The following ATRNL1 variants were observed in gnomAD, a reference collection of about 807,000 sequenced individuals.
ATRNL1 encodes the protein attractin-like protein 1.
ATRNL1 carries 95 observed loss-of-function variants against 182.7 expected under a neutral mutation model. That is an observed-to-expected ratio of 0.52 (90% CI 0.44 to 0.62). The LOEUF (loss-of-function observed/expected upper bound fraction) is 0.62, where lower values mean the gene tolerates loss of function less well. Ranked by LOEUF, ATRNL1 falls within the 20% of genes least tolerant of loss-of-function variation. The pLI is 0.00. For missense variants in ATRNL1, 1,471 were observed against 1,679.5 expected, an observed-to-expected ratio of 0.88 and a Z score of 2.17; for synonymous variants, 576 against 568.3, an observed-to-expected ratio of 1.01 and a Z score of -0.19.
At chr10:115,453,450 G>A (rs181321736) in intron 21 of ATRNL1, among the ~76,000 whole-genome samples, 1 of 152,022 alleles carries the variant, frequency 6.6e-6, no homozygotes, top group East Asian at 1.9e-4. Context: ...TGTATGATTT[G>A]CAAATATTTT....
At chr10:115,134,312 A>G (rs1845401839) in intron 5 of ATRNL1, among the ~76,000 whole-genome samples, 1 of 152,220 alleles carries the variant, frequency 6.6e-6, no homozygotes, top group Admixed American at 6.5e-5. Flanking sequence ...AGAAGAAAAG[A>G]GAGAAGAATC....
chr10:115,334,186 T>A lies in ATRNL1; in HGVS notation c.3038-96T>A, dbSNP rs563495579. The A allele has an allele frequency of 1.8e-5, 15 of 831,300 alleles. No homozygotes were observed. In the African/African-American group the frequency reaches 2.4e-4, roughly 13 times the overall value. 51.5% of individuals were successfully genotyped at this position (831,300 alleles called of 1,614,324 possible). A position where few individuals can be genotyped will look rare whatever the true frequency, so the allele number is the denominator to read the frequency against. ...TTGGAAGATGCTCTTTGGGCACTTT[T>A]ACAATCCAGCTTTTTAAGATACATT... On this transcript the variant is annotated intron_variant, in intron 18 of 28. Transcript: ENST00000355044.
At chr10:115,645,739 T>G (rs1412334615) in intron 26 of ATRNL1, among the ~76,000 whole-genome samples, 3 of 151,994 alleles carry the variant, frequency 2.0e-5, no homozygotes, top group Non-Finnish European at 4.4e-5. Context: ...CTTAATCTGT[T>G]TGTCTCTGGC....
intron 10 of ATRNL1, among the ~76,000 whole-genome samples, chr10:115,244,315 G>T (rs535186245): frequency 6.6e-6 from 1 of 151,908 alleles, no homozygotes; most frequent in African/African-American, 2.4e-5. Context: ...AGTCAATATC[G>T]CTAATCTTTG....
intron 19 of ATRNL1, among the ~76,000 whole-genome samples, chr10:115,387,212 C>T (rs1264891533): frequency 1.3e-5 from 2 of 152,088 alleles, no homozygotes; most frequent in African/African-American, 4.8e-5. Flanking sequence ...GATGAGTAAA[C>T]AAGCTAGCTA....
At chr10:115,156,791 T>C (rs1846539513) in intron 5 of ATRNL1, among the ~76,000 whole-genome samples, 1 of 152,170 alleles carries the variant, frequency 6.6e-6, no homozygotes, top group South Asian at 2.1e-4. Context: ...TATGGGGATA[T>C]ATTGCATGAG....
chr10:115,658,279 T>C (rs1860463326), intron 26 of ATRNL1, among the ~76,000 whole-genome samples: 1 of 151,606 alleles, frequency 6.6e-6, no homozygotes, highest in African/African-American at 2.4e-5. Flanking sequence ...GTATTTTTAG[T>C]AGAGACGGGG....
intron 26 of ATRNL1, among the ~76,000 whole-genome samples, chr10:115,578,096 A>C (rs1464571232): frequency 2.0e-5 from 3 of 152,008 alleles, no homozygotes; most frequent in East Asian, 1.9e-4. Context: ...CTTCCCAAGA[A>C]TAAATTTCAC....
intron 10 of ATRNL1, among the ~76,000 whole-genome samples, chr10:115,254,787 T>C (rs1554906317): frequency 6.6e-6 from 1 of 152,218 alleles, no homozygotes; most frequent in East Asian, 1.9e-4. Flanking sequence ...TTTAAGTCTT[T>C]AATCCATCTT....
At chr10:115,627,861 T>G (rs1415130809) in intron 26 of ATRNL1, among the ~76,000 whole-genome samples, 1 of 152,100 alleles carries the variant, frequency 6.6e-6, no homozygotes, top group Non-Finnish European at 1.5e-5. Context: ...TTTTTAACTT[T>G]TTGAGGAACC....
intron 15 of ATRNL1, among the ~76,000 whole-genome samples, chr10:115,288,853 G>C (rs1852757871): frequency 6.6e-6 from 1 of 152,032 alleles, no homozygotes; most frequent in South Asian, 2.1e-4. Flanking sequence ...TGTCTGTTCA[G>C]ATCATTTGTT....
chr10:115,097,771 A>G (rs2085052704), intron 1 of ATRNL1, among the ~76,000 whole-genome samples: 1 of 152,092 alleles, frequency 6.6e-6, no homozygotes. Context: ...TAAAAATACA[A>G]AAATTAGCTG....
At chr10:115,497,598 G>A (rs1278560387) in intron 24 of ATRNL1, among the ~76,000 whole-genome samples, 19 of 152,104 alleles carry the variant, frequency 1.2e-4, no homozygotes, top group African/African-American at 4.3e-4. Context: ...TGAAAGTGGT[G>A]CACACTAATT....
rs371013880 is a variant in ATRNL1 at position 115,248,346 on chromosome 10, AACTCT to A, written c.1687+6622_1687+6626del. 4.9e-3 allele frequency among the ~76,000 whole-genome samples: 744 copies of A among 152,278 alleles called. 7 individuals are homozygous for A. The highest frequency in any genetic ancestry group is 0.016 in the African/African-American group (684 of 41,576). Reference sequence around the variant, plus strand: ...AAGGAAAAAAGTTTTAAAAAGTCTTAACTCTTGGGGGAAGAAGGCAGGACAAAGAA... The same window carrying A: ...AAGGAAAAAAGTTTTAAAAAGTCTTATGGGGGAAGAAGGCAGGACAAAGAA... On this transcript the variant is annotated intron_variant, in intron 10 of 28. Coordinates refer to ENST00000355044, the MANE Select transcript of ATRNL1 (RefSeq NM_207303.4).
At chr10:115,646,459 C>T (rs2133869410) in intron 26 of ATRNL1, among the ~76,000 whole-genome samples, 1 of 152,152 alleles carries the variant, frequency 6.6e-6, no homozygotes, top group Admixed American at 6.6e-5. Flanking sequence ...GACTCTACAG[C>T]TAGCAGAATG....
At chr10:115,568,448 A>G (rs1375463950) in intron 26 of ATRNL1, among the ~76,000 whole-genome samples, 2 of 152,086 alleles carry the variant, frequency 1.3e-5, no homozygotes, top group African/African-American at 4.8e-5. Context: ...AAAGCCAGCA[A>G]CATCACTTTG....
intron 20 of ATRNL1, among the ~76,000 whole-genome samples, chr10:115,396,004 T>TA (rs1844271222): frequency 6.6e-6 from 1 of 151,756 alleles, no homozygotes; most frequent in Non-Finnish European, 1.5e-5. Flanking sequence ...TATAAATATA[T>TA]AAAAATTTAT....
chr10:115,880,711 C>T (rs1202935409), intron 28 of ATRNL1, among the ~76,000 whole-genome samples: 2 of 152,156 alleles, frequency 1.3e-5, no homozygotes, highest in Non-Finnish European at 2.9e-5. Context: ...ACATCTAGGC[C>T]AATTGTGTCC....
intron 27 of ATRNL1, among the ~76,000 whole-genome samples, chr10:115,781,091 C>T (rs1949254447): frequency 6.6e-6 from 1 of 152,138 alleles, no homozygotes; most frequent in African/African-American, 2.4e-5. Context: ...GTCCAACAAG[C>T]ATATATAAAG....
Sources: gnomAD v4.1 joint callset for allele counts (sites outside exome capture counted in the v4.1 genomes callset) on GRCh38, gnomAD v4.1.1 for gene constraint, MANE v1.5 for transcripts, NCBI Gene and HGNC (gene_info 2026-07-23, HGNC 2026-07-21) for gene names.